The following AXDND1 variants were observed in gnomAD, a reference collection of about 807,000 sequenced individuals.
AXDND1 encodes the protein axonemal dynein light chain domain containing 1.
In AXDND1, 110 loss-of-function variants were observed where a neutral mutation model predicts 137.5. The observed-to-expected ratio is 0.80, with a 90% CI of 0.69 to 0.94. The LOEUF is 0.94. Among genes scored for constraint, AXDND1 ranks in the 40% least tolerant of loss-of-function variants. The pLI, the probability that AXDND1 is intolerant of heterozygous loss-of-function variation, is 0.00. For synonymous variants in AXDND1, 414 were observed against 399.7 expected, an observed-to-expected ratio of 1.04 and a Z score of -0.43; for missense variants, 1,191 against 1,169.8, an observed-to-expected ratio of 1.02 and a Z score of -0.26.
chr1:179,522,637 A>G (rs1480515495), intron 21 of AXDND1, among the ~76,000 whole-genome samples: 1 of 151,858 alleles, frequency 6.6e-6, no homozygotes, highest in Admixed American at 6.6e-5. Context: ...AGATTATAGA[A>G]TATAAGATAT....
intron 12 of AXDND1, among the ~76,000 whole-genome samples, chr1:179,415,729 G>T (rs891540383): frequency 6.6e-6 from 1 of 151,122 alleles, no homozygotes; most frequent in Non-Finnish European, 1.5e-5. Context: ...TTCTGAGATG[G>T]AGTCTCACTC....
intron 9 of AXDND1, among the ~76,000 whole-genome samples, chr1:179,388,171 G>A (rs967434989): frequency 2.0e-5 from 3 of 152,108 alleles, no homozygotes; most frequent in Non-Finnish European, 2.9e-5. Flanking sequence ...CTCTTTCATT[G>A]CCTGATATCC....
intron 17 of AXDND1, among the ~76,000 whole-genome samples, chr1:179,472,932 T>G (rs909587896): frequency 6.6e-6 from 1 of 152,154 alleles, no homozygotes; most frequent in Non-Finnish European, 1.5e-5. Flanking sequence ...ACCATATAGT[T>G]GATTCATGTT....
intron 12 of AXDND1, among the ~76,000 whole-genome samples, chr1:179,417,960 TTTTATTTTTATTTA>T (rs978060730): frequency 1.5e-4 from 22 of 150,938 alleles, no homozygotes; most frequent in African/African-American, 4.8e-4. Flanking sequence ...TTTATTGCTA[TTTTATTTTTATTTA>T]TTTATTTTTA....
At chr1:179,484,488 T>C (rs937066713) in intron 18 of AXDND1, among the ~76,000 whole-genome samples, 6 of 152,146 alleles carry the variant, frequency 3.9e-5, no homozygotes, top group African/African-American at 1.4e-4. Context: ...CATGCCTGTT[T>C]GCAGTGCAGC....
chr1:179,532,462 C>T (rs371231041), intron 23 of AXDND1, among the ~76,000 whole-genome samples: 2 of 152,130 alleles, frequency 1.3e-5, no homozygotes, highest in African/African-American at 4.8e-5. Context: ...ACAGCCACAC[C>T]ACATACCTTA....
intron 25 of AXDND1, chr1:179,545,034 G>C (rs1410656302): frequency 6.6e-6 from 1 of 152,156 alleles, no homozygotes; most frequent in African/African-American, 2.4e-5. Context: ...TGCTTTTACT[G>C]TCTCATTTGT....
intron 16 of AXDND1, among the ~76,000 whole-genome samples, chr1:179,466,285 C>CTTTTTT (rs143320609): frequency 3.4e-5 from 3 of 87,798 alleles, no homozygotes; most frequent in African/African-American, 9.4e-5. Context: ...TCTTCTTCTT[C>CTTTTTT]TTTTTTTTTT....
At chr1:179,481,991 A>T (rs1383934111) in intron 17 of AXDND1, among the ~76,000 whole-genome samples, 1 of 151,340 alleles carries the variant, frequency 6.6e-6, no homozygotes, top group Non-Finnish European at 1.5e-5. Context: ...ACTGAATTGC[A>T]TTTCACCAAA....
chr1:179,497,986 A>G (rs1019999527), intron 20 of AXDND1, among the ~76,000 whole-genome samples: 12 of 152,138 alleles, frequency 7.9e-5, no homozygotes, highest in Non-Finnish European at 5.9e-5. Context: ...GAACTACAAA[A>G]CACTGCTGAA....
chr1:179,462,958 C>T (rs1487577424), intron 16 of AXDND1, among the ~76,000 whole-genome samples: 2 of 152,110 alleles, frequency 1.3e-5, no homozygotes, highest in Admixed American at 6.5e-5. Context: ...TCTGTGGGAT[C>T]AGTGGTGATA....
intron 4 of AXDND1, 151 bp from the exon 5 acceptor site, chr1:179,378,486 C>T: frequency 2.4e-6 from 1 of 415,144 alleles, no homozygotes; most frequent in Non-Finnish European, 4.1e-6. Context: ...TTTAATGCCT[C>T]AGTCTTAGTA....
chr1:179,491,892 T>C (rs4652401), intron 19 of AXDND1, among the ~76,000 whole-genome samples, 155 bp downstream of exon 19: 48,363 of 152,158 alleles, frequency 0.32, 8,306 homozygotes, highest in Middle Eastern at 0.43. Flanking sequence ...TGAGCAGTTA[T>C]AATATGAGAT....
At chr1:179,424,930 A>G (rs1656337020) in intron 12 of AXDND1, among the ~76,000 whole-genome samples, 1 of 152,122 alleles carries the variant, frequency 6.6e-6, no homozygotes, top group Non-Finnish European at 1.5e-5. Flanking sequence ...TTTCTCTGAT[A>G]AATTTCTGAA....
chr1:179,470,329 A>G (rs1296000742), intron 17 of AXDND1, among the ~76,000 whole-genome samples: 1 of 152,142 alleles, frequency 6.6e-6, no homozygotes, highest in Non-Finnish European at 1.5e-5. Context: ...ATTTTAGAAT[A>G]AGCTTGTCAA....
At chr1:179,435,310 A>G (rs1204594211) in intron 15 of AXDND1, among the ~76,000 whole-genome samples, 3 of 152,220 alleles carry the variant, frequency 2.0e-5, no homozygotes, top group Admixed American at 6.5e-5. Flanking sequence ...TCAAGTTAGC[A>G]TTGACATTCT....
intron 25 of AXDND1, 26 bp from the exon 26 acceptor site, chr1:179,554,486 T>G (rs1158299404): frequency 6.2e-7 from 1 of 1,614,150 alleles, no homozygotes; most frequent in South Asian, 1.1e-5. Context: ...ATTTCTATTC[T>G]CTCCACTTTG....
chr1:179,488,119 C>T (rs73036765), intron 18 of AXDND1, among the ~76,000 whole-genome samples: 17,300 of 145,914 alleles, frequency 0.12, 2,347 homozygotes, highest in African/African-American at 0.17. Context: ...TTACAGTTGT[C>T]TAAAACATTA....
Position 179,368,912 on chromosome 1 carries a change from G to A in AXDND1, c.210G>A (p.Ala70=), listed in dbSNP as rs759206525. 1.2e-5 allele frequency: 20 copies of A among 1,613,760 alleles called. No homozygotes were observed. The highest frequency in any genetic ancestry group is 3.3e-5 in the South Asian group (3 of 91,076). Residue 70 remains alanine, a synonymous_variant, in exon 3 of 26, where the codon GCG becomes GCA. Transcript: ENST00000367618. ...PKEVLLSLTY[A]ANAGPCPENL... ...AAGTTCTTCTTTCTCTGACCTATGC[G>A]GCCAATGCTGGTCCTTGTCCTGAAA...
Sources: gnomAD v4.1 joint callset for allele counts (sites outside exome capture counted in the v4.1 genomes callset) on GRCh38, gnomAD v4.1.1 for gene constraint, MANE v1.5 for transcripts, NCBI Gene and HGNC (gene_info 2026-07-23, HGNC 2026-07-21) for gene names.